Variants in NDUFS4 observed in about 807,000 individuals in gnomAD.
NDUFS4 encodes the protein NADH:ubiquinone oxidoreductase subunit S4.
In NDUFS4, 28 loss-of-function variants were observed where a neutral mutation model predicts 24.3. That is an observed-to-expected ratio of 1.15 (90% CI 0.85 to 1.58). The LOEUF (loss-of-function observed/expected upper bound fraction) is 1.58, where lower values mean the gene tolerates loss of function less well. Ranked by LOEUF, NDUFS4 falls within the 40% of genes most tolerant of loss-of-function variation. NDUFS4 has a pLI of 0.00. For missense variants in NDUFS4, 223 were observed against 207.9 expected (o/e 1.07, Z -0.45); for synonymous variants, 93 against 69.7 (o/e 1.34, Z -1.67).
intron 1 of NDUFS4, among the ~76,000 whole-genome samples, chr5:53,568,760 C>T (rs1749122228): frequency 6.6e-6 from 1 of 152,256 alleles, no homozygotes; most frequent in South Asian, 2.1e-4. Context: ...TGGTCTTTCA[C>T]TGGATGTAGT....
chr5:53,590,688 A>C (rs1294000598), intron 1 of NDUFS4, among the ~76,000 whole-genome samples: 1 of 152,162 alleles, frequency 6.6e-6, no homozygotes, highest in Non-Finnish European at 1.5e-5. Context: ...TCTTTGACAA[A>C]CTTTTGCATA....
intron 2 of NDUFS4, among the ~76,000 whole-genome samples, chr5:53,629,691 A>T (rs1027279678): frequency 1.9e-4 from 29 of 152,158 alleles, no homozygotes; most frequent in African/African-American, 6.8e-4. Context: ...ATCAGAGACT[A>T]GGATTGTAAC....
intron 1 of NDUFS4, among the ~76,000 whole-genome samples, chr5:53,576,900 C>T (rs1253872554): frequency 6.6e-6 from 1 of 152,150 alleles, no homozygotes; most frequent in Non-Finnish European, 1.5e-5. Context: ...GCTTCAAAGG[C>T]TGCATTTCTA....
intron 1 of NDUFS4, among the ~76,000 whole-genome samples, chr5:53,565,533 C>T (rs930946178): frequency 2.0e-5 from 3 of 152,202 alleles, no homozygotes; most frequent in South Asian, 2.1e-4. Flanking sequence ...TAGAGATGAG[C>T]GATTGTGAGG....
At chr5:53,655,928 C>T (rs902739411) in intron 3 of NDUFS4, among the ~76,000 whole-genome samples, 15 of 152,144 alleles carry the variant, frequency 9.9e-5, no homozygotes, top group African/African-American at 3.4e-4. Flanking sequence ...CTGCTGAAAT[C>T]TTTGCTCAAT....
chr5:53,675,287 C>G (rs376584210), intron 4 of NDUFS4, among the ~76,000 whole-genome samples: 1 of 151,612 alleles, frequency 6.6e-6, no homozygotes, highest in African/African-American at 2.4e-5. Context: ...CTCAGCCTCC[C>G]GAGGAGCTGG....
intron 1 of NDUFS4, among the ~76,000 whole-genome samples, chr5:53,587,768 G>T (rs1042858221): frequency 3.3e-5 from 5 of 151,972 alleles, no homozygotes; most frequent in African/African-American, 1.2e-4. Flanking sequence ...TGGTAGAGAC[G>T]GGATTTCACC....
At chr5:53,567,585 T>C (rs915671561) in intron 1 of NDUFS4, among the ~76,000 whole-genome samples, 2 of 152,160 alleles carry the variant, frequency 1.3e-5, no homozygotes, top group Admixed American at 6.5e-5. Context: ...GTTTTCTTAC[T>C]GATTCCAGTG....
chr5:53,636,668 G>C (rs180752561), intron 2 of NDUFS4, among the ~76,000 whole-genome samples: 29 of 152,060 alleles, frequency 1.9e-4, no homozygotes, highest in Non-Finnish European at 3.4e-4. Context: ...CAAATCTGAC[G>C]TGGAGATGTA....
intron 2 of NDUFS4, among the ~76,000 whole-genome samples, chr5:53,611,092 A>G (rs1451212265): frequency 6.6e-6 from 1 of 151,642 alleles, no homozygotes; most frequent in Non-Finnish European, 1.5e-5. Flanking sequence ...AGCTTATTTT[A>G]TTTTTTTACT....
At chr5:53,667,261 T>A (rs941141837) in intron 4 of NDUFS4, among the ~76,000 whole-genome samples, 1 of 151,394 alleles carries the variant, frequency 6.6e-6, no homozygotes, top group Non-Finnish European at 1.5e-5. Flanking sequence ...AGGTCAGGAG[T>A]TTGAGATCAG....
intron 1 of NDUFS4, among the ~76,000 whole-genome samples, chr5:53,566,522 C>T (rs1358688545): frequency 6.6e-6 from 1 of 152,082 alleles, no homozygotes; most frequent in Non-Finnish European, 1.5e-5. Flanking sequence ...GATGAGGAAA[C>T]AGGTACAGAA....
chr5:53,660,408 A>C lies in NDUFS4; in HGVS notation c.424+1784A>C, dbSNP rs141734394. Among the ~76,000 whole-genome samples, 368 of 152,188 alleles carry C rather than the reference A, an allele frequency of 2.4e-3. 1 individual carries two copies. The highest frequency in any genetic ancestry group is 8.6e-3 in the African/African-American group (357 of 41,504). ...TTAATCCAGTCTATCATTGTTGGAC[A>C]TTTGGCTTGATTCCAAGTCTTTGCT... On this transcript the variant is annotated intron_variant, in intron 4 of 4. Coordinates refer to ENST00000296684, the MANE Select transcript of NDUFS4 (RefSeq NM_002495.4).
At chr5:53,611,914 A>G (rs1750709585) in intron 2 of NDUFS4, among the ~76,000 whole-genome samples, 1 of 152,122 alleles carries the variant, frequency 6.6e-6, no homozygotes, top group South Asian at 2.1e-4. Flanking sequence ...AAAGATTTTG[A>G]GTAGGTACTC....
At chr5:53,621,203 T>C (rs1751024203) in intron 2 of NDUFS4, among the ~76,000 whole-genome samples, 1 of 152,194 alleles carries the variant, frequency 6.6e-6, no homozygotes, top group African/African-American at 2.4e-5. Flanking sequence ...TCCCTCTTTA[T>C]CCTGGTGCTG....
At chr5:53,577,285 T>C (rs925017494) in intron 1 of NDUFS4, among the ~76,000 whole-genome samples, 2 of 152,154 alleles carry the variant, frequency 1.3e-5, no homozygotes, top group African/African-American at 4.8e-5. Context: ...GTTAACTCTT[T>C]TGTGCTTTAA....
At chr5:53,588,675 T>C (rs1369383612) in intron 1 of NDUFS4, among the ~76,000 whole-genome samples, 1 of 152,196 alleles carries the variant, frequency 6.6e-6, no homozygotes, top group African/African-American at 2.4e-5. Flanking sequence ...TAAAAAACAA[T>C]ATGTCAGTCC....
chr5:53,653,900 T>C (rs1170960506), intron 3 of NDUFS4, among the ~76,000 whole-genome samples: 5 of 152,150 alleles, frequency 3.3e-5, no homozygotes, highest in Admixed American at 2.0e-4. Flanking sequence ...ATATTTAAAG[T>C]TGATTTTGCA....
rs1561407769 is a variant in NDUFS4, at chr5:53,683,194, C to CAA, written c.504_505dup (p.Arg169LysfsTer21). 1.2e-6 allele frequency: 2 copies of CAA among 1,610,930 alleles called. No homozygotes were observed. Among genetic ancestry groups the CAA allele is most frequent in the Admixed American group, 3.3e-5 (2 of 59,858 alleles). ...CTTATGGTGCAAACTTTTCTTGGAACAAAAGAACAAGAGTATCCACAAAAT... is the reference window on the plus strand; with the variant it reads ...CTTATGGTGCAAACTTTTCTTGGAACAAAAAAGAACAAGAGTATCCACAAAAT... On this transcript the variant is annotated frameshift_variant, in exon 5 of 5. Coordinates refer to ENST00000296684, the MANE Select transcript of NDUFS4 (RefSeq NM_002495.4). LOFTEE classifies it high-confidence loss of function.
Sources: allele counts gnomAD v4.1 joint callset (sites outside exome capture counted in the v4.1 genomes callset), GRCh38; gene constraint gnomAD v4.1.1; transcripts MANE v1.5; gene names NCBI Gene and HGNC (gene_info 2026-07-23, HGNC 2026-07-21).